The following COL26A1 variants were observed in gnomAD, a reference collection of about 807,000 sequenced individuals.
The protein encoded by COL26A1 is collagen type XXVI alpha 1 chain.
In COL26A1, 41 loss-of-function variants were observed where a neutral mutation model predicts 59.3. The observed-to-expected ratio is 0.69, with a 90% CI of 0.54 to 0.90. COL26A1 has a LOEUF of 0.90. COL26A1 is among the 40% of genes least tolerant of loss of function. COL26A1 has a pLI of 0.00. For missense variants in COL26A1, 612 were observed against 602.3 expected, an observed-to-expected ratio of 1.02 and a Z score of -0.17; for synonymous variants, 266 against 256.0, an observed-to-expected ratio of 1.04 and a Z score of -0.37.
intron 10 of COL26A1, 94 bp downstream of exon 10, chr7:101,551,237 G>GGGGGTTGGGGGGGGGGC: frequency 1.3e-5 from 5 of 386,358 alleles, no homozygotes; most frequent in East Asian, 1.2e-4. Context: ...TGGTGGGGGG[G>GGGGGTTGGGGGGGGGGC]TTCAGCCCTG....
At chr7:101,398,647 A>G (rs1009482353) in intron 1 of COL26A1, among the ~76,000 whole-genome samples, 9 of 152,110 alleles carry the variant, frequency 5.9e-5, no homozygotes, top group African/African-American at 1.7e-4. Context: ...ACTTTGCACC[A>G]AGGGCAAATG....
chr7:101,400,353 A>AT lies in COL26A1; in HGVS notation c.159-19598dup, dbSNP rs574852983. 8.8e-3 allele frequency among the ~76,000 whole-genome samples: 856 copies of AT among 97,194 alleles called. 59 individuals carry two copies. The highest frequency in any genetic ancestry group is 0.024 in the African/African-American group (532 of 22,408). The allele number at this position is 97,194 out of a possible 152,430, so 63.8% of individuals were successfully genotyped here. ...CCACACTGCCTTTCTTTTTTTTCCT[A>AT]TTTTTTTTTTTTTTTTTTTTTTTTT... On this transcript the variant is annotated intron_variant, in intron 1 of 12. Coordinates refer to ENST00000313669, the MANE Select transcript of COL26A1 (RefSeq NM_001278563.3).
intron 9 of COL26A1, among the ~76,000 whole-genome samples, chr7:101,550,714 GGGACA>G (rs772135011): frequency 6.6e-6 from 1 of 152,100 alleles, no homozygotes; most frequent in Non-Finnish European, 1.5e-5. Context: ...GCGATGTCAG[GGGACA>G]GCTGGACACG....
At chr7:101,544,574 C>T (rs956130314) in intron 6 of COL26A1, among the ~76,000 whole-genome samples, 1 of 143,274 alleles carries the variant, frequency 7.0e-6, no homozygotes, top group Admixed American at 7.3e-5. Flanking sequence ...GCTGTGTCGC[C>T]CAGACTGGAG....
chr7:101,430,671 G>C (rs149074114), intron 2 of COL26A1, among the ~76,000 whole-genome samples: 1 of 151,938 alleles, frequency 6.6e-6, no homozygotes, highest in East Asian at 1.9e-4. Flanking sequence ...CTCGTAGCCT[G>C]TAATGCAGCT....
chr7:101,489,023 T>C (rs940959137), intron 3 of COL26A1, among the ~76,000 whole-genome samples: 1 of 152,234 alleles, frequency 6.6e-6, no homozygotes, highest in Admixed American at 6.5e-5. Context: ...CACAGCAGCA[T>C]TCCGTGTTTG....
chr7:101,456,169 T>TATATATATATA (rs1554414262), intron 3 of COL26A1, among the ~76,000 whole-genome samples: 3 of 94,132 alleles, frequency 3.2e-5, no homozygotes, highest in African/African-American at 9.4e-5. Flanking sequence ...TATATATATA[T>TATATATATATA]TTTTTTTTTA....
chr7:101,379,592 G>A (rs1177192145), intron 1 of COL26A1, among the ~76,000 whole-genome samples: 1 of 152,202 alleles, frequency 6.6e-6, no homozygotes, highest in African/African-American at 2.4e-5. Flanking sequence ...CATGAATACA[G>A]GTTGGGTAAA....
intron 11 of COL26A1, among the ~76,000 whole-genome samples, 165 bp downstream of exon 11, chr7:101,553,541 T>TG (rs34337011): frequency 1 from 151,848 of 151,884 alleles, 75,906 homozygotes; most frequent in Middle Eastern, 1. Context: ...CACAGCCCCA[T>TG]GGGAACTCAG....
chr7:101,530,961 GTTTTTTGT>G (rs562191092), intron 3 of COL26A1, among the ~76,000 whole-genome samples: 22 of 150,760 alleles, frequency 1.5e-4, no homozygotes, highest in Admixed American at 2.0e-4. Flanking sequence ...GTTTTTTTTT[GTTTTTTGT>G]TTTTTTGTTT....
At position 101,493,130 on chromosome 7, in the gene COL26A1, C is replaced by T. The variant is rs1001023223; in HGVS notation, c.386-39952C>T. Among the ~76,000 whole-genome samples, 112 of 152,124 alleles carry T rather than the reference C, an allele frequency of 7.4e-4. 1 individual carries two copies. The highest frequency in any genetic ancestry group is 2.4e-3 in the African/African-American group (101 of 41,418). On this transcript the variant is annotated intron_variant, in intron 3 of 12. Transcript: ENST00000313669. Reference sequence around the variant, plus strand: ...GTTACTTTATTCAGGGACATTCAGCCGGGAAATGTCAGAGCCAGGATCTGT... The same window carrying T: ...GTTACTTTATTCAGGGACATTCAGCTGGGAAATGTCAGAGCCAGGATCTGT...
intron 3 of COL26A1, among the ~76,000 whole-genome samples, chr7:101,514,594 G>A (rs1794990544): frequency 6.6e-6 from 1 of 152,138 alleles, no homozygotes; most frequent in African/African-American, 2.4e-5. Flanking sequence ...GCGAGGCAGT[G>A]CTGTTTGGGT....
At chr7:101,363,547 G>GC (rs1413275284) in intron 1 of COL26A1, among the ~76,000 whole-genome samples, 3 of 121,678 alleles carry the variant, frequency 2.5e-5, no homozygotes, top group African/African-American at 6.4e-5. Context: ...GGGCGGCGGG[G>GC]GTTGGGGGCT....
chr7:101,498,132 C>T (rs929944904), intron 3 of COL26A1, among the ~76,000 whole-genome samples: 7 of 152,196 alleles, frequency 4.6e-5, no homozygotes, highest in Non-Finnish European at 1.0e-4. Flanking sequence ...GCTTCTTCAT[C>T]ATGCAGGCTA....
chr7:101,456,015 A>G (rs931069990), intron 3 of COL26A1, among the ~76,000 whole-genome samples: 1 of 152,120 alleles, frequency 6.6e-6, no homozygotes, highest in African/African-American at 2.4e-5. Flanking sequence ...ATAAATTATC[A>G]TGAACATCTG....
chr7:101,488,046 G>A (rs1478916969), intron 3 of COL26A1, among the ~76,000 whole-genome samples: 3 of 151,996 alleles, frequency 2.0e-5, no homozygotes, highest in East Asian at 3.9e-4. Flanking sequence ...GTCAAGGCAG[G>A]CAGATCACGT....
chr7:101,531,642 C>A (rs899289955), intron 3 of COL26A1, among the ~76,000 whole-genome samples: 5 of 152,172 alleles, frequency 3.3e-5, no homozygotes, highest in Non-Finnish European at 5.9e-5. Context: ...TAGGGTGTTG[C>A]CCCCTCTTGA....
chr7:101,385,213 TAC>T (rs71129618), intron 1 of COL26A1, among the ~76,000 whole-genome samples: 44 of 142,524 alleles, frequency 3.1e-4, no homozygotes, highest in African/African-American at 4.9e-4. Flanking sequence ...ACACTATATA[TAC>T]ACACACACAC....
At chr7:101,557,138 T>C (rs966442473) in intron 12 of COL26A1, among the ~76,000 whole-genome samples, 5 of 152,178 alleles carry the variant, frequency 3.3e-5, no homozygotes, top group African/African-American at 1.2e-4. Flanking sequence ...AATGGGTGGA[T>C]ACACAGATGG....
Sources: gnomAD v4.1 joint callset for allele counts (sites outside exome capture counted in the v4.1 genomes callset) on GRCh38, gnomAD v4.1.1 for gene constraint, MANE v1.5 for transcripts, NCBI Gene and HGNC (gene_info 2026-07-23, HGNC 2026-07-21) for gene names.